Variants in SRD5A2 observed in about 807,000 individuals in gnomAD.
The protein encoded by SRD5A2 is 3-oxo-5-alpha-steroid 4-dehydrogenase 2.
In SRD5A2, 30 loss-of-function variants were observed where a neutral mutation model predicts 27.4. The ratio of observed to expected loss-of-function variants is 1.10; its 90% CI spans 0.82 to 1.49. SRD5A2 has a LOEUF of 1.49. SRD5A2 is among the 40% of genes most tolerant of loss of function. The pLI, the probability that SRD5A2 is intolerant of heterozygous loss-of-function variation, is 0.00. For missense variants in SRD5A2, 348 were observed against 323.4 expected (o/e 1.08, Z -0.58); for synonymous variants, 141 against 133.6 (o/e 1.06, Z -0.38).
chr2:31,533,651 A>G lies in SRD5A2; in HGVS notation c.397T>C (p.Cys133Arg). The change falls in exon 2 of 5, where the codon TGT (cysteine) becomes CGT (arginine). Residue 133 changes from cysteine (C) to arginine (R), a missense_variant. By Grantham distance (180) the Cys-to-Arg change is radical (BLOSUM62 -3). Transcript: ENST00000622030. ...GVLQGYYLIY[C>R]AEYPDGWYTD... is the part of the protein sequence containing the mutation. ...TACCACCCATCAGGGTATTCAGCAC[A>G]GTAAATCAGATAGTAGCCTTGAAGG... The G allele has an allele frequency of 6.4e-7, 1 of 1,557,926 alleles. No individual in the cohort carries two copies. Among genetic ancestry groups the G allele is most frequent in the African/African-American group, 1.4e-5 (1 of 73,558 alleles).
the SRD5A2 span, among the ~76,000 whole-genome samples, chr2:31,614,047 C>G: frequency 6.6e-6 from 1 of 152,144 alleles, no homozygotes. Flanking sequence ...ACTGTCCCCT[C>G]TCAAATCTCA....
chr2:31,601,571 C>T, the SRD5A2 span, among the ~76,000 whole-genome samples: 1 of 152,014 alleles, frequency 6.6e-6, no homozygotes, highest in Admixed American at 6.6e-5. Context: ...TTCTATGAGG[C>T]CAACATCATT....
At chr2:31,647,197 T>C in the SRD5A2 span, among the ~76,000 whole-genome samples, 1 of 151,974 alleles carries the variant, frequency 6.6e-6, no homozygotes, top group Middle Eastern at 3.2e-3. Context: ...CACAGAGGAA[T>C]AGTGGAAGAG....
At chr2:31,631,247 G>C in the SRD5A2 span, among the ~76,000 whole-genome samples, 1 of 152,112 alleles carries the variant, frequency 6.6e-6, no homozygotes, top group African/African-American at 2.4e-5. Context: ...GGCTAGTAAA[G>C]GACCACTAGA....
chr2:31,630,365 T>C, the SRD5A2 span, among the ~76,000 whole-genome samples: 1 of 151,320 alleles, frequency 6.6e-6, no homozygotes, highest in Admixed American at 6.6e-5. Context: ...AAAAGAGAGA[T>C]AGAAGTAGTA....
chr2:31,589,050 C>T, the SRD5A2 span, among the ~76,000 whole-genome samples: 43 of 152,136 alleles, frequency 2.8e-4, 1 homozygote, highest in Admixed American at 2.8e-3. Flanking sequence ...CTGTGAGTTC[C>T]CAAAGTGTGA....
At chr2:31,534,275 C>T (rs1355034953) in intron 1 of SRD5A2, among the ~76,000 whole-genome samples, 2 of 152,148 alleles carry the variant, frequency 1.3e-5, no homozygotes, top group Non-Finnish European at 2.9e-5. Context: ...AAAAGATGTA[C>T]TGTCACTGTA....
the SRD5A2 span, among the ~76,000 whole-genome samples, chr2:31,632,598 T>G: frequency 9.6e-4 from 146 of 152,240 alleles, no homozygotes; most frequent in African/African-American, 3.2e-3. Flanking sequence ...AACTGTCTCC[T>G]GGACACTGGC....
At chr2:31,660,022 G>A in the SRD5A2 span, among the ~76,000 whole-genome samples, 6 of 150,762 alleles carry the variant, frequency 4.0e-5, no homozygotes, top group East Asian at 9.8e-4. Flanking sequence ...GTTTTCTTCT[G>A]CAGTGCTTTT....
chr2:31,551,945 A>G (rs547876411), intron 1 of SRD5A2, among the ~76,000 whole-genome samples: 1 of 152,012 alleles, frequency 6.6e-6, no homozygotes, highest in Non-Finnish European at 1.5e-5. Flanking sequence ...AATGGAGGAA[A>G]ATTAGCCTTT....
In SRD5A2 at chr2:31,526,225, G is replaced by A. The variant is rs121434244; in HGVS notation, c.736C>T (p.Arg246Trp). The A allele has an allele frequency of 1.9e-5, 30 of 1,589,854 alleles. No individual in the cohort carries two copies. The highest frequency in any genetic ancestry group is 4.0e-5 in the African/African-American group (3 of 74,536). Residue 246 changes from arginine (R) to tryptophan (W), a missense_variant, in exon 5 of 5, where the codon CGG (arginine) becomes TGG (tryptophan). Coordinates refer to ENST00000622030, the MANE Select transcript of SRD5A2 (RefSeq NM_000348.4). ...AAGATGAATGGAATAAGGGCTTTCCGAGATTTGGGGTAGTCCTCAAACATC... is the reference window on the plus strand; with the variant it reads ...AAGATGAATGGAATAAGGGCTTTCCAAGATTTGGGGTAGTCCTCAAACATC... ...LKMFEDYPKS[R>W]KALIPFIF is the part of the protein sequence containing the mutation.
At chr2:31,616,284 C>T in the SRD5A2 span, among the ~76,000 whole-genome samples, 1 of 152,170 alleles carries the variant, frequency 6.6e-6, no homozygotes, top group Non-Finnish European at 1.5e-5. Flanking sequence ...CCAACTGGGG[C>T]ACTGCCTAGT....
At chr2:31,590,940 A>T in the SRD5A2 span, among the ~76,000 whole-genome samples, 1 of 152,214 alleles carries the variant, frequency 6.6e-6, no homozygotes, top group African/African-American at 2.4e-5. Flanking sequence ...TTAATTCAAG[A>T]TGGATTAAAG....
At chr2:31,577,348 AT>A (rs1666980622) in intron 1 of SRD5A2, among the ~76,000 whole-genome samples, 1 of 152,008 alleles carries the variant, frequency 6.6e-6, no homozygotes, top group South Asian at 2.1e-4. Flanking sequence ...CTCAGCAATT[AT>A]GATTCCCAAG....
At chr2:31,537,788 G>A (rs1158422133) in intron 1 of SRD5A2, among the ~76,000 whole-genome samples, 4 of 152,148 alleles carry the variant, frequency 2.6e-5, no homozygotes, top group African/African-American at 9.7e-5. Context: ...GGGCCTTTTA[G>A]GAGGTGTTTA....
chr2:31,618,801 A>C, the SRD5A2 span, among the ~76,000 whole-genome samples: 1 of 152,150 alleles, frequency 6.6e-6, no homozygotes, highest in East Asian at 1.9e-4. Context: ...AATGTGTGGT[A>C]TATTTCAAAA....
chr2:31,580,720 A>T lies in SRD5A2; in HGVS notation c.181T>A (p.Phe61Ile). Reference protein sequence around the residue: ...AAWFLQELPSFAVPAGILARQ... With the variant: ...AAWFLQELPSIAVPAGILARQ... ...GCGAGGATCCCCGCGGGCACCGCGA[A>T]GGAAGGCAGCTCCTGCAGGAACCAG... is the stretch of plus-strand genomic sequence containing the variant. The change falls in exon 1 of 5, where the codon TTC becomes ATC. Residue 61 changes from phenylalanine (F) to isoleucine (I), a missense_variant. Phe to Ile is a conservative substitution (Grantham distance 21). Coordinates refer to ENST00000622030, the MANE Select transcript of SRD5A2 (RefSeq NM_000348.4). 1 of 1,607,218 alleles carries T rather than the reference A, an allele frequency of 6.2e-7. No individual in the cohort carries two copies. The highest frequency in any genetic ancestry group is 8.5e-7 in the Non-Finnish European group (1 of 1,179,322).
intron 1 of SRD5A2, among the ~76,000 whole-genome samples, chr2:31,554,521 G>A (rs531872918): frequency 1.3e-5 from 2 of 152,246 alleles, no homozygotes; most frequent in Admixed American, 6.5e-5. Flanking sequence ...ACTGCCTCAG[G>A]AGAAGCAGTT....
intron 1 of SRD5A2, among the ~76,000 whole-genome samples, chr2:31,551,115 C>T (rs200378235): frequency 6.6e-6 from 1 of 151,904 alleles, no homozygotes; most frequent in East Asian, 1.9e-4. Flanking sequence ...ACGATGACCC[C>T]AAAACTACCA....
Sources: allele counts gnomAD v4.1 joint callset (sites outside exome capture counted in the v4.1 genomes callset), GRCh38; gene constraint gnomAD v4.1.1; transcripts MANE v1.5; gene names NCBI Gene and HGNC (gene_info 2026-07-23, HGNC 2026-07-21).